Variants in FRMD6 observed in about 807,000 individuals in gnomAD.
FRMD6 encodes the protein FERM domain containing 6.
In FRMD6, 37 loss-of-function variants were observed where a neutral mutation model predicts 73.2. That is an observed-to-expected ratio of 0.51 (90% CI 0.39 to 0.66). The LOEUF (loss-of-function observed/expected upper bound fraction) is 0.66, where lower values mean the gene tolerates loss of function less well. FRMD6 is among the 30% of genes least tolerant of loss of function. The probability of loss-of-function intolerance (pLI) is 0.00; values close to 1 mark genes in which losing one functional copy is unlikely to be tolerated. For missense variants in FRMD6, 714 were observed against 780.5 expected, an observed-to-expected ratio of 0.91 and a Z score of 1.02; for synonymous variants, 273 against 282.2, an observed-to-expected ratio of 0.97 and a Z score of 0.33.
chr14:51,482,225 G>A, the FRMD6 span, among the ~76,000 whole-genome samples: 2 of 152,194 alleles, frequency 1.3e-5, no homozygotes, highest in Non-Finnish European at 2.9e-5. Flanking sequence ...GTTCCCTACA[G>A]CTATTTGCTG....
chr14:51,579,006 C>G (rs2139646122), intron 2 of FRMD6: 1 of 152,244 alleles, frequency 6.6e-6, no homozygotes, highest in East Asian at 1.9e-4. Flanking sequence ...AACATACAGG[C>G]TGGCACAAGG....
At chr14:51,633,463 A>G (rs907736571) in intron 2 of FRMD6, among the ~76,000 whole-genome samples, 1 of 151,640 alleles carries the variant, frequency 6.6e-6, no homozygotes, top group African/African-American at 2.4e-5. Flanking sequence ...TTAGTTGGGC[A>G]TGGTGACTCA....
intron 2 of FRMD6, among the ~76,000 whole-genome samples, chr14:51,640,239 A>C (rs1891754782): frequency 6.6e-6 from 1 of 152,142 alleles, no homozygotes; most frequent in Non-Finnish European, 1.5e-5. Context: ...CTCCCCCTCC[A>C]CGTTTTTATT....
upstream of FRMD6, among the ~76,000 whole-genome samples, chr14:51,648,787 T>C (rs563990204): frequency 6.6e-6 from 1 of 152,204 alleles, no homozygotes. Context: ...GCCTGGTGCA[T>C]GGGAGAACCC....
intron 1 of FRMD6, among the ~76,000 whole-genome samples, chr14:51,671,252 TAGAA>T (rs1172271600): frequency 1.3e-5 from 2 of 151,540 alleles, no homozygotes; most frequent in African/African-American, 2.4e-5. Flanking sequence ...GATGGCCTCA[TAGAA>T]AGAGTTGGGA....
chr14:51,570,513 G>A (rs557065453), intron 2 of FRMD6: 2 of 152,330 alleles, frequency 1.3e-5, no homozygotes, highest in African/African-American at 4.8e-5. Flanking sequence ...TCTCTGGACT[G>A]TAATCTGGGA....
the FRMD6 span, among the ~76,000 whole-genome samples, chr14:51,479,502 C>A: frequency 3.9e-5 from 6 of 152,194 alleles, no homozygotes; most frequent in African/African-American, 1.2e-4. Flanking sequence ...AGAGGTCACA[C>A]AAAATGATTA....
At chr14:51,630,210 A>G (rs891054291) in intron 2 of FRMD6, among the ~76,000 whole-genome samples, 5 of 152,088 alleles carry the variant, frequency 3.3e-5, no homozygotes, top group South Asian at 4.1e-4. Flanking sequence ...AGAACCCAAC[A>G]TTTGTTGACT....
At chr14:51,504,256 C>T (rs541590093) in intron 1 of FRMD6, among the ~76,000 whole-genome samples, 2 of 152,264 alleles carry the variant, frequency 1.3e-5, no homozygotes, top group East Asian at 3.9e-4. Context: ...GGAGATGTCA[C>T]CAGTGAAGGC....
At chr14:51,660,199 T>G (rs1018067389) in intron 1 of FRMD6, among the ~76,000 whole-genome samples, 2 of 152,246 alleles carry the variant, frequency 1.3e-5, no homozygotes, top group Non-Finnish European at 2.9e-5. Context: ...TATTCAGGAC[T>G]GTGCTGAATA....
chr14:51,719,045 C>A (rs556508118), intron 10 of FRMD6, among the ~76,000 whole-genome samples: 2 of 152,224 alleles, frequency 1.3e-5, no homozygotes, highest in Admixed American at 1.3e-4. Flanking sequence ...TCCCCAAATG[C>A]ACTCTCCATT....
At chr14:51,417,374 T>A in the FRMD6 span, among the ~76,000 whole-genome samples, 2 of 152,222 alleles carry the variant, frequency 1.3e-5, no homozygotes, top group African/African-American at 4.8e-5. Flanking sequence ...CAGCATTTGC[T>A]TGTCTGTAAA....
At chr14:51,660,720 T>A (rs1893160906) in intron 1 of FRMD6, among the ~76,000 whole-genome samples, 1 of 150,694 alleles carries the variant, frequency 6.6e-6, no homozygotes, top group Non-Finnish European at 1.5e-5. Flanking sequence ...ATAAGCCTGA[T>A]GGGAAAAAGA....
chr14:51,658,272 C>T (rs1892980428), intron 1 of FRMD6, among the ~76,000 whole-genome samples: 1 of 152,168 alleles, frequency 6.6e-6, no homozygotes, highest in Admixed American at 6.5e-5. Flanking sequence ...TTCTTTCAGC[C>T]TGCTGTACCT....
chr14:51,640,756 A>G (rs144785952), intron 2 of FRMD6, among the ~76,000 whole-genome samples: 2 of 152,366 alleles, frequency 1.3e-5, no homozygotes, highest in African/African-American at 4.8e-5. Flanking sequence ...AATTCTTGAT[A>G]GCCCTAATAA....
At chr14:51,525,070 A>AATAGATAGATGATAG (rs141984847) in intron 1 of FRMD6, among the ~76,000 whole-genome samples, 3,353 of 101,960 alleles carry the variant, frequency 0.033, 105 homozygotes, top group African/African-American at 0.066. Flanking sequence ...AGACAAATAG[A>AATAGATAGATGATAG]ATAGATAGAT....
At chr14:51,665,390 C>A (rs1229777309) in intron 1 of FRMD6, among the ~76,000 whole-genome samples, 1 of 152,162 alleles carries the variant, frequency 6.6e-6, no homozygotes, top group Non-Finnish European at 1.5e-5. Context: ...AGTTTGCTAA[C>A]CTTGTGTTTA....
At chr14:51,511,106 A>G (rs1350474383) in intron 1 of FRMD6, among the ~76,000 whole-genome samples, 1 of 151,810 alleles carries the variant, frequency 6.6e-6, no homozygotes, top group African/African-American at 2.4e-5. Context: ...TTTCTAGCCT[A>G]CTCCCCAGTG....
At chr14:51,598,026 A>G (rs1157974504) in intron 2 of FRMD6, among the ~76,000 whole-genome samples, 3 of 152,226 alleles carry the variant, frequency 2.0e-5, no homozygotes, top group Non-Finnish European at 4.4e-5. Flanking sequence ...AAAGGGCAAG[A>G]AGCCATTTTA....
Sources: gnomAD v4.1 joint callset for allele counts (sites outside exome capture counted in the v4.1 genomes callset) on GRCh38, gnomAD v4.1.1 for gene constraint, MANE v1.5 for transcripts, NCBI Gene and HGNC (gene_info 2026-07-23, HGNC 2026-07-21) for gene names.